The following NPFFR2 variants were observed in gnomAD, a reference collection of about 807,000 sequenced individuals.
NPFFR2 encodes the protein G-protein coupled receptor 74.
Under a neutral mutation model 13.1 loss-of-function variants are expected in NPFFR2, and 15 were observed. The ratio of observed to expected loss-of-function variants is 1.15; its 90% CI spans 0.77 to 1.76. The LOEUF (loss-of-function observed/expected upper bound fraction) is 1.76. Among genes scored for constraint, NPFFR2 ranks in the 40% most tolerant of loss-of-function variants. The pLI, the probability that NPFFR2 is intolerant of heterozygous loss-of-function variation, is 0.00. For missense variants in NPFFR2, 572 were observed against 503.5 expected (o/e 1.14, Z -1.30); for synonymous variants, 190 against 175.7 (o/e 1.08, Z -0.65).
chr4:72,061,198 C>T (rs1719909891), intron 1 of NPFFR2, among the ~76,000 whole-genome samples: 1 of 152,142 alleles, frequency 6.6e-6, no homozygotes, highest in Non-Finnish European at 1.5e-5. Flanking sequence ...GCTAGTGAAA[C>T]ACTTTCTATC....
intron 3 of NPFFR2, among the ~76,000 whole-genome samples, chr4:72,144,340 G>T (rs1241192277): frequency 6.6e-6 from 1 of 152,114 alleles, no homozygotes; most frequent in Non-Finnish European, 1.5e-5. Context: ...CAAAAATCAT[G>T]ATGTGGTATC....
intron 1 of NPFFR2, among the ~76,000 whole-genome samples, chr4:72,101,762 T>C (rs1721257522): frequency 6.6e-6 from 1 of 151,920 alleles, no homozygotes; most frequent in Non-Finnish European, 1.5e-5. Flanking sequence ...GAGCAATATG[T>C]GAAAAATAAT....
chr4:72,130,563 G>T lies in NPFFR2; in HGVS notation c.328+1644G>T, dbSNP rs144211945. ...ATCATTAAAAAAAAATTTTATTGAG[G>T]TTGTGATGAAAGGACCCTTCCCTTG... On this transcript the variant is annotated intron_variant, in intron 2 of 3. Coordinates refer to ENST00000308744, the MANE Select transcript of NPFFR2 (RefSeq NM_004885.3). Among the ~76,000 whole-genome samples the T allele has an allele frequency of 1.2e-4, 18 of 152,214 alleles. 1 individual carries two copies. Among genetic ancestry groups the T allele is most frequent in the African/African-American group, 3.9e-4 (16 of 41,550 alleles).
At chr4:72,132,303 T>C (rs1722269946) in intron 2 of NPFFR2, among the ~76,000 whole-genome samples, 1 of 152,218 alleles carries the variant, frequency 6.6e-6, no homozygotes, top group Non-Finnish European at 1.5e-5. Flanking sequence ...TCCAGCTCCA[T>C]CCATGTTCCG....
intron 1 of NPFFR2, among the ~76,000 whole-genome samples, chr4:72,066,980 C>A (rs1720089234): frequency 6.6e-6 from 1 of 152,140 alleles, no homozygotes; most frequent in African/African-American, 2.4e-5. Flanking sequence ...GGGCTCTCTG[C>A]AGTGGCCCCA....
At chr4:72,069,047 A>T in intron 1 of NPFFR2, 1 of 857,954 alleles carries the variant, frequency 1.2e-6, no homozygotes, top group Non-Finnish European at 1.7e-6. Flanking sequence ...TATTATTTTG[A>T]TCTTTTGAAA....
intron 1 of NPFFR2, among the ~76,000 whole-genome samples, chr4:72,084,588 T>C (rs1720715485): frequency 6.6e-6 from 1 of 152,180 alleles, no homozygotes. Flanking sequence ...ATGTTTTAGG[T>C]GACCCACTCA....
chr4:72,059,590 G>A lies in NPFFR2; in HGVS notation c.-8+27390G>A, dbSNP rs77034076. On this transcript the variant is annotated intron_variant, in intron 1 of 3. Transcript: ENST00000308744. ...ATCTCTGTAATGCCCCAGTGATATA[G>A]TAATTGCTTTTGGTTTACTATCTTT... is the stretch of plus-strand genomic sequence containing the variant. Among the ~76,000 whole-genome samples, 373 of 152,214 alleles carry A rather than the reference G, an allele frequency of 2.5e-3. 1 individual carries two copies. The highest frequency in any genetic ancestry group is 8.7e-3 in the African/African-American group (363 of 41,550).
At chr4:72,065,096 A>G (rs1286594348) in intron 1 of NPFFR2, among the ~76,000 whole-genome samples, 1 of 152,086 alleles carries the variant, frequency 6.6e-6, no homozygotes, top group Admixed American at 6.6e-5. Context: ...TCAGAGAAAA[A>G]AAAAAAAACA....
intron 1 of NPFFR2, among the ~76,000 whole-genome samples, chr4:72,090,035 A>G (rs766960202): frequency 6.6e-6 from 1 of 152,078 alleles, no homozygotes; most frequent in African/African-American, 2.4e-5. Context: ...TCATTCTTCT[A>G]CATGTGGCTT....
intron 1 of NPFFR2, among the ~76,000 whole-genome samples, chr4:72,118,597 C>T (rs569040000): frequency 4.2e-4 from 64 of 152,072 alleles, no homozygotes; most frequent in African/African-American, 1.4e-3. Context: ...AAGACATGCA[C>T]GTACCTTTAA....
At chr4:72,099,359 A>T (rs1560410749) in intron 1 of NPFFR2, among the ~76,000 whole-genome samples, 1 of 152,204 alleles carries the variant, frequency 6.6e-6, no homozygotes. Context: ...TGACACCAAT[A>T]GAACCATGTA....
chr4:72,033,575 TTTC>T (rs1718978132), intron 1 of NPFFR2, among the ~76,000 whole-genome samples: 1 of 152,216 alleles, frequency 6.6e-6, no homozygotes, highest in Non-Finnish European at 1.5e-5. Flanking sequence ...CTAGCCATGA[TTTC>T]TTCATGTCTA....
At chr4:72,101,379 G>C (rs1319851293) in intron 1 of NPFFR2, among the ~76,000 whole-genome samples, 2 of 151,630 alleles carry the variant, frequency 1.3e-5, no homozygotes, top group Non-Finnish European at 2.9e-5. Flanking sequence ...AGGTGCTGGG[G>C]TGAGACAATT....
intron 3 of NPFFR2, among the ~76,000 whole-genome samples, chr4:72,141,497 C>G (rs951250406): frequency 6.6e-6 from 1 of 152,196 alleles, no homozygotes; most frequent in Non-Finnish European, 1.5e-5. Context: ...ATCTTTATTT[C>G]TGCCTTCATT....
intron 1 of NPFFR2, among the ~76,000 whole-genome samples, chr4:72,041,677 T>C (rs1196694843): frequency 6.6e-6 from 1 of 152,208 alleles, no homozygotes; most frequent in Non-Finnish European, 1.5e-5. Flanking sequence ...TTAGACTTTT[T>C]AGTAATAGCC....
At chr4:72,137,372 A>G (rs1398613334) in intron 2 of NPFFR2, among the ~76,000 whole-genome samples, 1 of 152,200 alleles carries the variant, frequency 6.6e-6, no homozygotes, top group East Asian at 1.9e-4. Context: ...ATAGCAAACT[A>G]CTACAATAAT....
intron 1 of NPFFR2, among the ~76,000 whole-genome samples, chr4:72,049,364 A>T (rs1348789936): frequency 6.6e-6 from 1 of 152,138 alleles, no homozygotes; most frequent in Non-Finnish European, 1.5e-5. Flanking sequence ...TATGTGTTCC[A>T]CTACATTCAG....
intron 2 of NPFFR2, among the ~76,000 whole-genome samples, chr4:72,132,768 CAT>C (rs143971485): frequency 0.044 from 6,682 of 152,088 alleles, 405 homozygotes; most frequent in African/African-American, 0.14. Flanking sequence ...AGCTTTTTTT[CAT>C]ATGTTTGTTG....
Sources: gnomAD v4.1 joint callset for allele counts (sites outside exome capture counted in the v4.1 genomes callset) on GRCh38, gnomAD v4.1.1 for gene constraint, MANE v1.5 for transcripts, NCBI Gene and HGNC (gene_info 2026-07-23, HGNC 2026-07-21) for gene names.